DCAF17: variants seen among roughly 807,000 people sequenced by gnomAD.
DCAF17 encodes DDB1 and CUL4 associated factor 17, also known as DDB1- and CUL4-associated factor 17.
In DCAF17, 48 loss-of-function variants were observed where a neutral mutation model predicts 66.0. The ratio of observed to expected loss-of-function variants is 0.73; its 90% confidence interval spans 0.58 to 0.92. The LOEUF (loss-of-function observed/expected upper bound fraction) is 0.92. DCAF17 is among the 40% of genes least tolerant of loss of function. The probability of loss-of-function intolerance (pLI) is 0.00; values close to 1 mark genes in which losing one functional copy is unlikely to be tolerated. For synonymous variants in DCAF17, 206 were observed against 214.6 expected, an observed-to-expected ratio of 0.96 and a Z score of 0.35; for missense variants, 562 against 622.8, an observed-to-expected ratio of 0.90 and a Z score of 1.04.
intron 3 of DCAF17, 64 bp from the exon 4 acceptor site, chr2:171,448,617 T>C (rs904329540): frequency 9.1e-6 from 13 of 1,428,056 alleles, no homozygotes; most frequent in Non-Finnish European, 1.1e-5. Flanking sequence ...TCTTTGGACA[T>C]TGATTACTGC....
chr2:171,481,221 A>C lies in DCAF17; in HGVS notation c.*107A>C. On this transcript the variant is annotated 3_prime_UTR_variant, in exon 14 of 14. Coordinates refer to ENST00000375255, the MANE Select transcript of DCAF17 (RefSeq NM_025000.4). ...GGCACATTCTCCAGTATTTTCCAAA[A>C]AAGTCTTGTGTTGACTTCAGATGAC... 1 of 1,463,394 alleles carries C rather than the reference A, an allele frequency of 6.8e-7. No homozygotes were observed. Among genetic ancestry groups the C allele is most frequent in the Non-Finnish European group, 9.5e-7 (1 of 1,049,238 alleles). 90.7% of individuals were successfully genotyped at this position (1,463,394 alleles called of 1,614,324 possible).
At chr2:171,444,485 G>A (rs1694500913) in intron 3 of DCAF17, among the ~76,000 whole-genome samples, 1 of 152,132 alleles carries the variant, frequency 6.6e-6, no homozygotes, top group Non-Finnish European at 1.5e-5. Flanking sequence ...ACATGTATAA[G>A]ATAGATATGA....
At chr2:171,465,347 G>T (rs1241069023) in intron 8 of DCAF17, among the ~76,000 whole-genome samples, 1 of 152,120 alleles carries the variant, frequency 6.6e-6, no homozygotes, top group Non-Finnish European at 1.5e-5. Flanking sequence ...TAAGCTACCA[G>T]CATGACCTAA....
intron 9 of DCAF17, among the ~76,000 whole-genome samples, chr2:171,470,349 G>A (rs1218890444): frequency 6.6e-6 from 1 of 151,774 alleles, no homozygotes; most frequent in Non-Finnish European, 1.5e-5. Context: ...AGTCACTGTT[G>A]GCTCCAGTGG....
intron 9 of DCAF17, chr2:171,472,902 A>T: frequency 3.0e-6 from 1 of 338,144 alleles, no homozygotes; most frequent in East Asian, 9.6e-5. Context: ...CTGTAAAGCC[A>T]GTGAAGTTAA....
intron 5 of DCAF17, among the ~76,000 whole-genome samples, chr2:171,451,553 T>G (rs920210162): frequency 4.6e-5 from 7 of 152,216 alleles, no homozygotes; most frequent in Non-Finnish European, 7.3e-5. Context: ...ATAATTTAAA[T>G]TGCTAAAGAG....
chr2:171,470,171 G>A (rs1171713888), intron 9 of DCAF17, among the ~76,000 whole-genome samples: 1 of 151,994 alleles, frequency 6.6e-6, no homozygotes, highest in African/African-American at 2.4e-5. Context: ...CTATAGGAGC[G>A]CACCACCATG....
intron 4 of DCAF17, 32 bp from the exon 5 acceptor site, chr2:171,449,847 A>G (rs745701144): frequency 3.2e-6 from 5 of 1,577,660 alleles, no homozygotes; most frequent in East Asian, 2.2e-5. Flanking sequence ...AACTGACCCA[A>G]ATAAATAAAC....
At chr2:171,459,478 C>A (rs781234378) in intron 8 of DCAF17, among the ~76,000 whole-genome samples, 1 of 152,054 alleles carries the variant, frequency 6.6e-6, no homozygotes, top group Admixed American at 6.6e-5. Flanking sequence ...AGAAAATTTT[C>A]TTTATTATCC....
In DCAF17 at chr2:171,483,075, A is replaced by T; in HGVS notation, c.*1961A>T. 4.4e-6 allele frequency: 2 copies of T among 454,106 alleles called. No individual in the cohort carries two copies. The highest frequency in any genetic ancestry group is 8.8e-6 in the Non-Finnish European group (2 of 226,784). The allele number at this position is 454,106 out of a possible 1,614,324, so 28.1% of individuals were successfully genotyped here. A position where few individuals can be genotyped will look rare whatever the true frequency, so the allele number is the denominator to read the frequency against. ...TGTAGGCTGCATGGTTGTTAACAAG[A>T]TAGATGGTAAAAAGATGCCAGAAGA... On this transcript the variant is annotated 3_prime_UTR_variant, in exon 14 of 14. Coordinates refer to ENST00000375255, the MANE Select transcript of DCAF17 (RefSeq NM_025000.4).
At position 171,473,934 on chromosome 2, in the gene DCAF17, TGCTTCTG is replaced by T. The variant is rs1164262350; in HGVS notation, c.1052_1058del (p.Ala351ValfsTer3). 6.2e-7 allele frequency: 1 copy of T among 1,613,712 alleles called. No homozygotes were observed. The highest frequency in any genetic ancestry group is 8.5e-7 in the Non-Finnish European group (1 of 1,179,850). On this transcript the variant is annotated frameshift_variant, in exon 10 of 14. Transcript: ENST00000375255. LOFTEE classifies it high-confidence loss of function. ...CTGACTGGATCTATTTCCATCCTGATGCTTCTGGTAGAATAATACATGTTGGTCCAAA... is the reference window on the plus strand; with the variant it reads ...CTGACTGGATCTATTTCCATCCTGATGTAGAATAATACATGTTGGTCCAAA...
At chr2:171,445,771 C>T (rs1218074052) in intron 3 of DCAF17, among the ~76,000 whole-genome samples, 2 of 152,140 alleles carry the variant, frequency 1.3e-5, no homozygotes, top group Non-Finnish European at 2.9e-5. Context: ...CAGCCTCTAC[C>T]TCCTGGGCTC....
chr2:171,454,217 G>A (rs1187659872), intron 6 of DCAF17, among the ~76,000 whole-genome samples: 1 of 151,740 alleles, frequency 6.6e-6, no homozygotes, highest in Non-Finnish European at 1.5e-5. Context: ...AATCCTAAAG[G>A]TGGCAAGTAG....
At chr2:171,469,152 A>G (rs1696092304) in intron 9 of DCAF17, 122 bp downstream of exon 9, 3 of 1,099,586 alleles carry the variant, frequency 2.7e-6, no homozygotes, top group African/African-American at 3.1e-5. Flanking sequence ...CAATTTGCAA[A>G]CAATTTAAAA....
chr2:171,480,993 A>G lies in DCAF17; in HGVS notation c.1442A>G (p.Tyr481Cys). ...SWDVTYSHEVYFDRDLVLHIE... is the reference protein window; with the variant it reads ...SWDVTYSHEVCFDRDLVLHIE... ...TTACAGACATATAGCCATGAAGTCT[A>G]CTTTGACAGAGACTTGGTGCTACAC... Residue 481 changes from tyrosine to cysteine, a missense_variant, in exon 14 of 14, where the codon TAC becomes TGC. Tyr to Cys is a radical substitution (Grantham distance 194). Around this residue, in one of 3 missense-constraint regions of DCAF17, gnomAD observed 201 missense variants for 231.1 expected, o/e 0.87. Coordinates refer to ENST00000375255, the MANE Select transcript of DCAF17 (RefSeq NM_025000.4). 1 of 1,613,800 alleles carries G rather than the reference A, an allele frequency of 6.2e-7. No homozygotes were observed. The highest frequency in any genetic ancestry group is 8.5e-7 in the Non-Finnish European group (1 of 1,179,706).
chr2:171,444,040 C>G (rs956308925), intron 3 of DCAF17, among the ~76,000 whole-genome samples: 1 of 152,066 alleles, frequency 6.6e-6, no homozygotes, highest in Non-Finnish European at 1.5e-5. Flanking sequence ...AAGCTCATTT[C>G]ATAAGGCTAG....
At chr2:171,443,900 T>G (rs1049920932) in intron 3 of DCAF17, among the ~76,000 whole-genome samples, 2 of 152,192 alleles carry the variant, frequency 1.3e-5, no homozygotes, top group African/African-American at 4.8e-5. Context: ...CATAAGCTAA[T>G]GTATAATTAT....
At chr2:171,454,519 C>T (rs1695136160) in intron 6 of DCAF17, among the ~76,000 whole-genome samples, 1 of 151,996 alleles carries the variant, frequency 6.6e-6, no homozygotes. Context: ...CTCCTGACTT[C>T]GTGATCTGCT....
At chr2:171,443,741 CAAGAT>C (rs1436759289) in intron 3 of DCAF17, 128 bp downstream of exon 3, 8 of 711,386 alleles carry the variant, frequency 1.1e-5, no homozygotes, top group Non-Finnish European at 1.9e-5. Context: ...TTAAAGCAAT[CAAGAT>C]GAGAGTATAT....
Sources: allele counts gnomAD v4.1 joint callset (sites outside exome capture counted in the v4.1 genomes callset), GRCh38; gene constraint gnomAD v4.1.1; regional missense constraint gnomAD v4.1.1; transcripts MANE v1.5; gene names NCBI Gene and HGNC (gene_info 2026-07-23, HGNC 2026-07-21).